LUC7L2: variants seen among roughly 807,000 people sequenced by gnomAD.
The protein encoded by LUC7L2 is putative RNA-binding protein Luc7-like 2.
A neutral mutation model predicts 52.8 loss-of-function variants in LUC7L2; 25 were observed. The observed-to-expected ratio is 0.47, with a 90% CI of 0.34 to 0.66. LUC7L2 has a LOEUF of 0.66. Among genes scored for constraint, LUC7L2 ranks in the 30% least tolerant of loss-of-function variants. LUC7L2 has a pLI of 0.01. For missense variants in LUC7L2, 328 were observed against 497.8 expected (o/e 0.66, Z 3.25); for synonymous variants, 144 against 160.9 (o/e 0.89, Z 0.80).
intron 2 of LUC7L2, among the ~76,000 whole-genome samples, chr7:139,377,065 A>G (rs915108645): frequency 1.3e-5 from 2 of 152,238 alleles, no homozygotes; most frequent in African/African-American, 2.4e-5. Flanking sequence ...AGTTGAAACT[A>G]TATTATGTTA....
chr7:139,350,343 C>G (rs540469355), intron 1 of LUC7L2, among the ~76,000 whole-genome samples: 34 of 151,932 alleles, frequency 2.2e-4, no homozygotes, highest in Admixed American at 6.6e-4. Flanking sequence ...GGATGGTCTC[C>G]ATCTCCTGAC....
chr7:139,365,058 A>C (rs1800084973), intron 1 of LUC7L2, among the ~76,000 whole-genome samples: 1 of 152,244 alleles, frequency 6.6e-6, no homozygotes, highest in African/African-American at 2.4e-5. Flanking sequence ...ATTAAACAGT[A>C]GTTTCTCTGC....
intron 3 of LUC7L2, among the ~76,000 whole-genome samples, chr7:139,401,768 T>A (rs1794927833): frequency 6.6e-6 from 1 of 151,290 alleles, no homozygotes; most frequent in African/African-American, 2.4e-5. Context: ...TTTTTTTTTT[T>A]TTAATGACAG....
At chr7:139,341,872 G>A (rs1322771012) in intron 1 of LUC7L2, among the ~76,000 whole-genome samples, 1 of 152,174 alleles carries the variant, frequency 6.6e-6, no homozygotes, top group African/African-American at 2.4e-5. Context: ...CAATGAAGAT[G>A]GAGTTGAAGG....
chr7:139,350,842 A>T (rs1009201004), intron 1 of LUC7L2, among the ~76,000 whole-genome samples: 1 of 151,522 alleles, frequency 6.6e-6, no homozygotes, highest in African/African-American at 2.4e-5. Flanking sequence ...ACGCCTGGCT[A>T]ATTTTGTATT....
At chr7:139,377,014 T>C (rs1800745391) in intron 2 of LUC7L2, among the ~76,000 whole-genome samples, 1 of 152,130 alleles carries the variant, frequency 6.6e-6, no homozygotes, top group South Asian at 2.1e-4. Context: ...TCAAGGCATA[T>C]GCAACAGGAA....
chr7:139,383,720 T>C (rs1585098339), intron 2 of LUC7L2, among the ~76,000 whole-genome samples: 1 of 121,396 alleles, frequency 8.2e-6, no homozygotes, highest in Middle Eastern at 4.2e-3. Context: ...CCGGCCTTGA[T>C]GTCTTTTTTT....
chr7:139,345,875 G>C, intron 1 of LUC7L2: 1 of 756,098 alleles, frequency 1.3e-6, no homozygotes, highest in Non-Finnish European at 1.9e-6. Flanking sequence ...TGAATTTACT[G>C]AACTTTTTGC....
chr7:139,412,536 A>ATT lies in LUC7L2; in HGVS notation c.780-4_780-3dup. ...TATAGCCACTTTTCTAAAAATACAT[A>ATT]TTTTTTTTTTTTAGGTCCCGATCAC... On this transcript the variant is annotated splice_polypyrimidine_tract_variant and intron_variant, in intron 7 of 9. Transcript: ENST00000354926. The ATT allele has an allele frequency of 1.5e-5, 22 of 1,427,932 alleles. No homozygotes were observed. Among genetic ancestry groups the ATT allele is most frequent in the Admixed American group, 7.8e-5 (4 of 51,134 alleles). 88.5% of individuals were successfully genotyped at this position (1,427,932 alleles called of 1,614,324 possible).
chr7:139,410,561 T>C (rs1302929570), intron 7 of LUC7L2, among the ~76,000 whole-genome samples: 1 of 152,182 alleles, frequency 6.6e-6, no homozygotes, highest in Non-Finnish European at 1.5e-5. Flanking sequence ...CATAGCATCA[T>C]GGTGGCAACA....
chr7:139,340,870 A>G (rs1798913569), intron 1 of LUC7L2, among the ~76,000 whole-genome samples: 1 of 150,354 alleles, frequency 6.7e-6, no homozygotes, highest in East Asian at 2.0e-4. Context: ...GTGTGTTTTT[A>G]CTAGCTGGTG....
chr7:139,422,519 C>T lies in LUC7L2; in HGVS notation c.*179C>T. ...TTTTCCTTGATGATGCCTAAAACTACATCCATAGTTTCTGGTGAACCTGTA... is the reference window on the plus strand; with the variant it reads ...TTTTCCTTGATGATGCCTAAAACTATATCCATAGTTTCTGGTGAACCTGTA... On this transcript the variant is annotated 3_prime_UTR_variant, in exon 10 of 10. Coordinates refer to ENST00000354926, the MANE Select transcript of LUC7L2 (RefSeq NM_016019.5). The T allele has an allele frequency of 8.1e-7, 1 of 1,231,044 alleles. No individual in the cohort carries two copies. The highest frequency in any genetic ancestry group is 1.0e-6 in the Non-Finnish European group (1 of 961,010). 76.3% of individuals were successfully genotyped at this position (1,231,044 alleles called of 1,614,324 possible).
At chr7:139,378,502 A>G (rs1385532323) in intron 2 of LUC7L2, among the ~76,000 whole-genome samples, 1 of 152,120 alleles carries the variant, frequency 6.6e-6, no homozygotes, top group African/African-American at 2.4e-5. Flanking sequence ...TGAGCTCAGG[A>G]ATTCAAGACT....
intron 3 of LUC7L2, among the ~76,000 whole-genome samples, chr7:139,401,850 G>A (rs905562408): frequency 1.2e-4 from 18 of 151,094 alleles, no homozygotes; most frequent in African/African-American, 3.9e-4. Context: ...GCCTCTTTGG[G>A]CCCAAGTGTT....
chr7:139,395,833 A>G (rs1794637346), intron 2 of LUC7L2, among the ~76,000 whole-genome samples: 1 of 152,036 alleles, frequency 6.6e-6, no homozygotes, highest in Admixed American at 6.6e-5. Flanking sequence ...CTTTTTGTAG[A>G]GACGGGGTTT....
chr7:139,341,492 G>A lies in LUC7L2; in HGVS notation c.-26+975G>A, dbSNP rs1220263961. On this transcript the variant is annotated intron_variant, in intron 1 of 10. Transcript: ENST00000541170. ...CCTATCGCGACACCGCGGCCTATCG[G>A]TACCTTGTGAAGGCTTTCCGTGCAC... 3.1e-6 allele frequency: 5 copies of A among 1,613,646 alleles called. No homozygotes were observed. In the Admixed American group the frequency reaches 6.7e-5, roughly 22 times the overall value.
chr7:139,389,528 G>A (rs1794339644), intron 2 of LUC7L2, among the ~76,000 whole-genome samples: 1 of 151,972 alleles, frequency 6.6e-6, no homozygotes, highest in African/African-American at 2.4e-5. Flanking sequence ...TGTCTTCTGT[G>A]TAAATTATCT....
chr7:139,378,141 T>C (rs1184432941), intron 2 of LUC7L2, among the ~76,000 whole-genome samples: 1 of 152,118 alleles, frequency 6.6e-6, no homozygotes, highest in African/African-American at 2.4e-5. Context: ...TTATCTACTT[T>C]CTAACATTTT....
At chr7:139,349,628 C>A (rs910885736) in intron 1 of LUC7L2, among the ~76,000 whole-genome samples, 14 of 99,464 alleles carry the variant, frequency 1.4e-4, no homozygotes, top group Admixed American at 2.8e-4. Context: ...CCCCCCCCCA[C>A]CGGATTTTCC....
Sources: allele counts gnomAD v4.1 joint callset (sites outside exome capture counted in the v4.1 genomes callset), GRCh38; gene constraint gnomAD v4.1.1; transcripts MANE v1.5; gene names NCBI Gene and HGNC (gene_info 2026-07-23, HGNC 2026-07-21).